NEGR1: variants seen among roughly 807,000 people sequenced by gnomAD.
NEGR1 encodes the protein IgLON family member 4.
In NEGR1, 10 loss-of-function variants were observed where a neutral mutation model predicts 40.9. That is an observed-to-expected ratio of 0.24 (90% CI 0.15 to 0.42). The LOEUF (loss-of-function observed/expected upper bound fraction) is 0.42, where lower values mean the gene tolerates loss of function less well. NEGR1 is among the 10% of genes least tolerant of loss of function. The probability of loss-of-function intolerance (pLI) is 1.00; values close to 1 mark genes in which losing one functional copy is unlikely to be tolerated. For missense variants in NEGR1, 352 were observed against 438.9 expected (o/e 0.80, Z 1.77); for synonymous variants, 185 against 166.8 (o/e 1.11, Z -0.84).
chr1:72,134,726 TTTATTTA>T (rs1263006093), intron 1 of NEGR1, among the ~76,000 whole-genome samples: 2 of 151,604 alleles, frequency 1.3e-5, no homozygotes, highest in Non-Finnish European at 1.5e-5. Flanking sequence ...ATTTAATTTA[TTTATTTA>T]TTATTTATTC....
At chr1:71,602,461 C>T (rs519954) in intron 5 of NEGR1, among the ~76,000 whole-genome samples, 3,430 of 149,972 alleles carry the variant, frequency 0.023, 131 homozygotes, top group African/African-American at 0.08. Context: ...CCGTTTTAGC[C>T]GGGATGGTCT....
At chr1:72,032,253 C>A (rs17092164) in intron 1 of NEGR1, among the ~76,000 whole-genome samples, 1 of 152,156 alleles carries the variant, frequency 6.6e-6, no homozygotes, top group Non-Finnish European at 1.5e-5. Context: ...GATGGCCCAT[C>A]ATAAGCATCC....
chr1:71,858,090 G>T (rs1659837258), intron 2 of NEGR1, among the ~76,000 whole-genome samples: 1 of 151,994 alleles, frequency 6.6e-6, no homozygotes, highest in African/African-American at 2.4e-5. Flanking sequence ...TATTTTCCCT[G>T]GTGTTCTATT....
chr1:71,540,994 C>T (rs1411341943), intron 6 of NEGR1, among the ~76,000 whole-genome samples: 5 of 151,536 alleles, frequency 3.3e-5, no homozygotes, highest in African/African-American at 1.2e-4. Flanking sequence ...CTCATGAGAA[C>T]TCACTATTGC....
chr1:72,056,603 G>A (rs751578980), intron 1 of NEGR1, among the ~76,000 whole-genome samples: 63 of 151,290 alleles, frequency 4.2e-4, no homozygotes, highest in Middle Eastern at 3.4e-3. Flanking sequence ...CAACAGATTC[G>A]CACTAAGTTA....
intron 4 of NEGR1, 69 bp downstream of exon 4, chr1:71,697,939 C>A: frequency 1.4e-6 from 2 of 1,463,482 alleles, no homozygotes; most frequent in Admixed American, 2.0e-5. Flanking sequence ...ACATAAATTT[C>A]AGTCAGAATT....
chr1:71,766,960 CT>C (rs1656155214), intron 3 of NEGR1, among the ~76,000 whole-genome samples: 1 of 152,146 alleles, frequency 6.6e-6, no homozygotes, highest in Admixed American at 6.5e-5. Context: ...ATCCTAAGGC[CT>C]CTCCAGAAGC....
At chr1:71,554,209 T>C (rs541706671) in intron 6 of NEGR1, among the ~76,000 whole-genome samples, 2 of 151,608 alleles carry the variant, frequency 1.3e-5, no homozygotes, top group African/African-American at 4.8e-5. Context: ...TATAGAACAT[T>C]GATTGTTTTT....
intron 3 of NEGR1, among the ~76,000 whole-genome samples, chr1:71,735,944 T>C (rs1254830948): frequency 3.9e-5 from 6 of 152,078 alleles, no homozygotes; most frequent in Non-Finnish European, 8.8e-5. Context: ...CTGTAGACTA[T>C]AAAAAGTCCT....
chr1:72,061,185 A>G (rs1242148503), intron 1 of NEGR1, among the ~76,000 whole-genome samples: 1 of 151,646 alleles, frequency 6.6e-6, no homozygotes, highest in Non-Finnish European at 1.5e-5. Flanking sequence ...AAAGATAATA[A>G]CCTCTGTTTT....
At chr1:71,853,306 A>C (rs761961863) in intron 2 of NEGR1, among the ~76,000 whole-genome samples, 2 of 152,128 alleles carry the variant, frequency 1.3e-5, no homozygotes, top group African/African-American at 4.8e-5. Context: ...CCATTTTCAA[A>C]TATACAGCAT....
At chr1:71,901,833 G>T (rs1167229982) in intron 2 of NEGR1, among the ~76,000 whole-genome samples, 1 of 151,816 alleles carries the variant, frequency 6.6e-6, no homozygotes, top group African/African-American at 2.4e-5. Context: ...ATCATACCCG[G>T]CTAATTTTTG....
At chr1:71,466,988 A>G (rs1646750854) in intron 6 of NEGR1, among the ~76,000 whole-genome samples, 1 of 152,106 alleles carries the variant, frequency 6.6e-6, no homozygotes, top group Non-Finnish European at 1.5e-5. Flanking sequence ...AGATCTGGAA[A>G]GCTTTCTCAT....
chr1:72,269,122 C>T (rs889588580), intron 1 of NEGR1, among the ~76,000 whole-genome samples: 2 of 151,702 alleles, frequency 1.3e-5, no homozygotes, highest in East Asian at 3.9e-4. Context: ...CTACTTCTAC[C>T]AGCTAGCAGA....
At chr1:71,597,620 A>C (rs369602376) in intron 5 of NEGR1, among the ~76,000 whole-genome samples, 3 of 151,536 alleles carry the variant, frequency 2.0e-5, no homozygotes, top group East Asian at 3.9e-4. Flanking sequence ...TCATACTAAA[A>C]ATTTTCAGCA....
intron 2 of NEGR1, among the ~76,000 whole-genome samples, chr1:71,927,358 G>A (rs1454913754): frequency 6.6e-6 from 1 of 152,068 alleles, no homozygotes; most frequent in Non-Finnish European, 1.5e-5. Flanking sequence ...AGGTATATTT[G>A]GGGAAATAAT....
At chr1:72,208,396 T>G (rs1653485363) in intron 1 of NEGR1, among the ~76,000 whole-genome samples, 1 of 151,740 alleles carries the variant, frequency 6.6e-6, no homozygotes, top group Admixed American at 6.6e-5. Context: ...GGGACTCAGT[T>G]TTACTGCACA....
chr1:71,730,122 TG>T lies in NEGR1; in HGVS notation c.536-31984del, dbSNP rs1279530672. Among the ~76,000 whole-genome samples the T allele has an allele frequency of 3.3e-5, 5 of 151,612 alleles. No homozygotes were observed. The East Asian group carries it at 9.8e-4, about 30-fold the overall frequency. On this transcript the variant is annotated intron_variant, in intron 3 of 6. Coordinates refer to ENST00000357731, the MANE Select transcript of NEGR1 (RefSeq NM_173808.3). Reference sequence around the variant, plus strand: ...GGAAAAGGAGATCTCCTTTAAAAACTGGTTTTTACAAGAAGATACAAACAAC... The same window carrying T: ...GGAAAAGGAGATCTCCTTTAAAAACTGTTTTTACAAGAAGATACAAACAAC...
chr1:71,552,467 C>T (rs1241502411), intron 6 of NEGR1, among the ~76,000 whole-genome samples: 2 of 148,652 alleles, frequency 1.3e-5, no homozygotes, highest in African/African-American at 2.5e-5. Context: ...GCTCCTGAGA[C>T]CACAGCCAAG....
Sources: allele counts gnomAD v4.1 joint callset (sites outside exome capture counted in the v4.1 genomes callset), GRCh38; gene constraint gnomAD v4.1.1; transcripts MANE v1.5; gene names NCBI Gene and HGNC (gene_info 2026-07-23, HGNC 2026-07-21).